CST1: variants seen among roughly 807,000 people sequenced by gnomAD.
CST1 encodes the protein cystatin-SN.
In CST1, 19 loss-of-function variants were observed where a neutral mutation model predicts 10.7. That is an observed-to-expected ratio of 1.78 (90% CI 1.24 to 2.61). CST1 has a LOEUF of 2.61. Among genes scored for constraint, CST1 ranks in the 30% most tolerant of loss-of-function variants. The probability of loss-of-function intolerance (pLI) is 0.00; values close to 1 mark genes in which losing one functional copy is unlikely to be tolerated. For missense variants in CST1, 247 were observed against 178.1 expected (o/e 1.39, Z -2.20); for synonymous variants, 95 against 72.8 (o/e 1.31, Z -1.55).
At chr20:23,750,589 G>T in intron 1 of CST1, 50 bp downstream of exon 1, 2 of 1,555,508 alleles carry the variant, frequency 1.3e-6, no homozygotes, top group South Asian at 1.1e-5. Flanking sequence ...GGGGGTTGGG[G>T]AACAAACCAG....
intron 2 of CST1, among the ~76,000 whole-genome samples, chr20:23,748,590 A>G (rs557036763): frequency 6.6e-6 from 1 of 152,242 alleles, no homozygotes; most frequent in East Asian, 1.9e-4. Context: ...AGCAGGCAGA[A>G]TTGACCTTAT....
At position 23,749,007 on chromosome 20, in the gene CST1, G is replaced by A. The variant is rs372641078; in HGVS notation, c.342+9C>T. Reference sequence around the variant, plus strand: ...CATGACTGGCCCGGGACCTGCATCAGGAACGTACCTTCTGCAGTTCTGGCT... The same window carrying A: ...CATGACTGGCCCGGGACCTGCATCAAGAACGTACCTTCTGCAGTTCTGGCT... On this transcript the variant is annotated intron_variant, in intron 2 of 2. Coordinates refer to ENST00000304749, the MANE Select transcript of CST1 (RefSeq NM_001898.3). 9.3e-6 allele frequency: 15 copies of A among 1,614,044 alleles called. No homozygotes were observed. Among genetic ancestry groups the A allele is most frequent in the African/African-American group, 2.7e-5 (2 of 74,918 alleles).
intron 2 of CST1, among the ~76,000 whole-genome samples, chr20:23,748,316 A>G (rs1982726532): frequency 6.6e-6 from 1 of 152,114 alleles, no homozygotes; most frequent in Admixed American, 6.5e-5. Context: ...GAGCTGGGGC[A>G]TGGGGCAAGG....
At position 23,747,666 on chromosome 20, in the gene CST1, A is replaced by T. The variant is rs1318156179; in HGVS notation, c.*150T>A. On this transcript the variant is annotated 3_prime_UTR_variant, in exon 3 of 3. Coordinates refer to ENST00000304749, the MANE Select transcript of CST1 (RefSeq NM_001898.3). ...GGAGGGCAGAGCGCCCTGCTGAGCA[A>T]CAAAGGACTCCTGCAGCCTTCTCTG... The T allele has an allele frequency of 2.9e-6, 2 of 694,462 alleles. No individual in the cohort carries two copies. Among genetic ancestry groups the T allele is most frequent in the Non-Finnish European group, 5.0e-6 (2 of 402,970 alleles). 43.0% of individuals were successfully genotyped at this position (694,462 alleles called of 1,614,324 possible).
Position 23,750,678 on chromosome 20 carries a change from G to A in CST1, c.189C>T (p.Tyr63=), listed in dbSNP as rs1982807476. 2 of 1,614,080 alleles carry A rather than the reference G, an allele frequency of 1.2e-6. No individual in the cohort carries two copies. Among genetic ancestry groups the A allele is most frequent in the Non-Finnish European group, 1.7e-6 (2 of 1,180,028 alleles). Residue 63 remains tyrosine (Y), a synonymous_variant, in exon 1 of 3, where the codon TAC becomes TAT. Coordinates refer to ENST00000304749, the MANE Select transcript of CST1 (RefSeq NM_001898.3). ...SEYNKATKDD[Y]YRRPLRVLRA... is the part of the protein sequence containing the mutation. ...TTAGTACCCGCAGCGGACGTCTGTA[G>A]TAGTCATCTTTGGTGGCCTTGTTAT...
rs1982807961 is a variant in CST1, at chr20:23,750,687, T to A, written c.180A>T (p.Lys60Asn). 6.2e-6 allele frequency: 10 copies of A among 1,614,136 alleles called. No individual in the cohort carries two copies. Among genetic ancestry groups the A allele is most frequent in the Non-Finnish European group, 6.8e-6 (8 of 1,180,020 alleles). ...GCAGCGGACGTCTGTAGTAGTCATC[T>A]TTGGTGGCCTTGTTATACTCGCTGA... ...FAISEYNKAT[K>N]DDYYRRPLRV... is the part of the protein sequence containing the mutation. The change falls in exon 1 of 3, where the codon AAA (lysine) becomes AAT (asparagine). Residue 60 changes from lysine to asparagine, a missense_variant. Coordinates refer to ENST00000304749, the MANE Select transcript of CST1 (RefSeq NM_001898.3).
rs1322447211 is a variant in CST1, at chr20:23,750,732, C to T, written c.135G>A (p.Gln45=). ...CGCTGATGGCGAAGTGAAGGGCACG[C>T]TGTACCCACTCATCATTGAGGTCTG... ...YNADLNDEWV[Q]RALHFAISEY... The change falls in exon 1 of 3, where the codon CAG becomes CAA. Residue 45 remains glutamine (Q), a synonymous_variant. Transcript: ENST00000304749. 4 of 1,614,026 alleles carry T rather than the reference C, an allele frequency of 2.5e-6. No homozygotes were observed. The highest frequency in any genetic ancestry group is 1.1e-5 in the South Asian group (1 of 91,092).
intron 2 of CST1, among the ~76,000 whole-genome samples, 162 bp downstream of exon 2, chr20:23,748,854 A>AC (rs905476338): frequency 3.3e-5 from 5 of 150,992 alleles, no homozygotes; most frequent in Admixed American, 3.3e-4. Flanking sequence ...CTACATGCAC[A>AC]CCCCCCCATA....
chr20:23,747,705 G>T lies in CST1; in HGVS notation c.*111C>A, dbSNP rs2982. ...CAGCCTTCTCTGTCTGTCTCTTGGC[G>T]CAGGCACATGGGGAGGCCTCCCGCA... On this transcript the variant is annotated 3_prime_UTR_variant, in exon 3 of 3. Coordinates refer to ENST00000304749, the MANE Select transcript of CST1 (RefSeq NM_001898.3). The T allele has an allele frequency of 6.4e-6, 6 of 935,746 alleles. 1 individual carries two copies. The South Asian group carries it at 9.5e-5, about 15-fold the overall frequency. 58.0% of individuals were successfully genotyped at this position (935,746 alleles called of 1,614,324 possible). A position where few individuals can be genotyped will look rare whatever the true frequency, so the allele number is the denominator to read the frequency against.
chr20:23,749,100 G>A lies in CST1; in HGVS notation c.258C>T (p.Asp86=), dbSNP rs781501457. ...TACATATGGTGCGGCCCACCTCTAC[G>A]TCGAAGAAGTAATTCACCCCCCCAA... ...QTVGGVNYFF[D]VEVGRTICTK... Residue 86 remains aspartate (D), a synonymous_variant, in exon 2 of 3, where the codon GAC becomes GAT. Transcript: ENST00000304749. 81 of 1,614,002 alleles carry A rather than the reference G, an allele frequency of 5.0e-5. No homozygotes were observed. In the Middle Eastern group the frequency reaches 9.9e-4, roughly 20 times the overall value.
rs889633760 is a variant in CST1, at chr20:23,749,058, G to C, written c.300C>G (p.Asn100Lys). 27 of 1,614,048 alleles carry C rather than the reference G, an allele frequency of 1.7e-5. No individual in the cohort carries two copies. The highest frequency in any genetic ancestry group is 2.2e-5 in the Non-Finnish European group (26 of 1,180,036). ...GRTICTKSQPNLDTCAFHEQP... is the reference protein window; with the variant it reads ...GRTICTKSQPKLDTCAFHEQP... The stretch of plus-strand genomic sequence containing the variant: ...GTTCATGGAAGGCACAGGTGTCCAA[G>C]TTGGGCTGGGACTTGGTACATATGG... Residue 100 changes from asparagine to lysine, a missense_variant, in exon 2 of 3, where the codon AAC becomes AAG. Physicochemically the swap from Asn to Lys is moderately conservative, Grantham distance 94 (BLOSUM62 0). Coordinates refer to ENST00000304749, the MANE Select transcript of CST1 (RefSeq NM_001898.3).
chr20:23,748,032 T>TC lies in CST1; in HGVS notation c.343-134dup, dbSNP rs1044947479. ...TGGGCCCTCACCCACCCCTACTGAG[T>TC]CCCAGAGTGCTGAACTAGAATGAAT... On this transcript the variant is annotated intron_variant, in intron 2 of 2. Coordinates refer to ENST00000304749, the MANE Select transcript of CST1 (RefSeq NM_001898.3). 62 of 843,264 alleles carry TC rather than the reference T, an allele frequency of 7.4e-5. No homozygotes were observed. The African/African-American group carries it at 9.1e-4, about 12-fold the overall frequency. The allele number at this position is 843,264 out of a possible 1,614,324, so 52.2% of individuals were successfully genotyped here.
chr20:23,750,169 T>A (rs562522450), intron 1 of CST1, among the ~76,000 whole-genome samples: 4 of 152,022 alleles, frequency 2.6e-5, no homozygotes, highest in Admixed American at 2.6e-4. Flanking sequence ...CCCTGGGCTG[T>A]AGGGGTTTGT....
At chr20:23,749,268 T>C in intron 1 of CST1, 139 bp from the exon 2 acceptor site, 1 of 804,152 alleles carries the variant, frequency 1.2e-6, no homozygotes, top group Admixed American at 2.0e-5. Flanking sequence ...AGCCCCCTCT[T>C]CCTGTCAACT....
At chr20:23,748,309 C>A (rs1037777739) in intron 2 of CST1, among the ~76,000 whole-genome samples, 3 of 152,138 alleles carry the variant, frequency 2.0e-5, no homozygotes, top group Non-Finnish European at 4.4e-5. Context: ...CCTCAAAGAG[C>A]TGGGGCATGG....
rs970157934 is a variant in CST1, at chr20:23,747,652, C to T, written c.*164G>A. ...CAAGAAGGAAGGAGGGAGGGCAGAGCGCCCTGCTGAGCAACAAAGGACTCC... is the reference window on the plus strand; with the variant it reads ...CAAGAAGGAAGGAGGGAGGGCAGAGTGCCCTGCTGAGCAACAAAGGACTCC... On this transcript the variant is annotated 3_prime_UTR_variant, in exon 3 of 3. Coordinates refer to ENST00000304749, the MANE Select transcript of CST1 (RefSeq NM_001898.3). 28 of 637,182 alleles carry T rather than the reference C, an allele frequency of 4.4e-5. No homozygotes were observed. The highest frequency in any genetic ancestry group is 4.3e-4 in the Middle Eastern group (1 of 2,344). The allele number at this position is 637,182 out of a possible 1,614,324, so 39.5% of individuals were successfully genotyped here.
chr20:23,748,351 C>T, intron 2 of CST1, among the ~76,000 whole-genome samples: 1 of 152,106 alleles, frequency 6.6e-6, no homozygotes, highest in Non-Finnish European at 1.5e-5. Flanking sequence ...GTGGCTCTCC[C>T]CTGAGTGGAG....
rs1348740117 is a variant in CST1, at chr20:23,747,878, T to A, written c.364A>T (p.Ile122Phe). ...LQKKQLCSFE[I>F]YEVPWENRRS... ...CTGTTCTCCCAGGGAACTTCGTAGA[T>A]CTCGAAAGAGCACAACTGTTTCTGT... Residue 122 changes from isoleucine (I) to phenylalanine (F), a missense_variant, in exon 3 of 3, where the codon ATC becomes TTC. Ile to Phe is a conservative substitution (Grantham distance 21). Coordinates refer to ENST00000304749, the MANE Select transcript of CST1 (RefSeq NM_001898.3). 3 of 1,613,836 alleles carry A rather than the reference T, an allele frequency of 1.9e-6. No individual in the cohort carries two copies. Among genetic ancestry groups the A allele is most frequent in the Non-Finnish European group, 2.5e-6 (3 of 1,179,838 alleles).
At chr20:23,748,054 G>T (rs1400847251) in intron 2 of CST1, among the ~76,000 whole-genome samples, 155 bp from the exon 3 acceptor site, 1 of 152,118 alleles carries the variant, frequency 6.6e-6, no homozygotes, top group Non-Finnish European at 1.5e-5. Flanking sequence ...GAACTAGAAT[G>T]AATAGTGACT....
Sources: allele counts gnomAD v4.1 joint callset (sites outside exome capture counted in the v4.1 genomes callset), GRCh38; gene constraint gnomAD v4.1.1; transcripts MANE v1.5; gene names NCBI Gene and HGNC (gene_info 2026-07-23, HGNC 2026-07-21).